The following TMTC2 variants were observed in gnomAD, a reference collection of about 807,000 sequenced individuals.
The protein encoded by TMTC2 is protein O-mannosyl-transferase TMTC2.
Under a neutral mutation model 82.4 loss-of-function variants are expected in TMTC2, and 43 were observed. The ratio of observed to expected loss-of-function variants is 0.52; its 90% CI spans 0.41 to 0.67. The LOEUF is 0.67. Among genes scored for constraint, TMTC2 ranks in the 30% least tolerant of loss-of-function variants. The probability of loss-of-function intolerance (pLI) is 0.00; values close to 1 mark genes in which losing one functional copy is unlikely to be tolerated. For synonymous variants in TMTC2, 408 were observed against 381.9 expected (o/e 1.07, Z -0.80); for missense variants, 919 against 1,012.4 (o/e 0.91, Z 1.25).
chr12:82,694,897 A>T (rs998585580), intron 1 of TMTC2, among the ~76,000 whole-genome samples: 18 of 152,212 alleles, frequency 1.2e-4, no homozygotes, highest in Admixed American at 6.5e-4. Context: ...AAACCGAAAA[A>T]TTCACGACTT....
intron 4 of TMTC2, among the ~76,000 whole-genome samples, chr12:82,940,262 C>T (rs1876638974): frequency 6.6e-6 from 1 of 151,840 alleles, no homozygotes; most frequent in South Asian, 2.1e-4. Flanking sequence ...GGTGATCCGC[C>T]CACCTTGGCC....
intron 4 of TMTC2, among the ~76,000 whole-genome samples, chr12:82,946,748 T>TTC (rs1290050350): frequency 1.3e-5 from 2 of 148,992 alleles, no homozygotes; most frequent in South Asian, 2.2e-4. Context: ...TTCTTTTCTT[T>TTC]TTTTTTTTTT....
rs556265669 is a variant in TMTC2 at position 82,746,394 on chromosome 12, T to G, written c.83+58725T>G. Among the ~76,000 whole-genome samples, 6 of 152,326 alleles carry G rather than the reference T, an allele frequency of 3.9e-5. No individual in the cohort carries two copies. The South Asian group carries it at 1.2e-3, about 32-fold the overall frequency. On this transcript the variant is annotated intron_variant, in intron 1 of 11. Transcript: ENST00000321196. ...TGGCACTGTGCATGTTTTTGTCTAC[T>G]GGGAAGTATTTCATTTAATTGAACA...
intron 1 of TMTC2, among the ~76,000 whole-genome samples, chr12:82,711,306 TTTTG>T (rs1873607846): frequency 6.6e-6 from 1 of 152,096 alleles, no homozygotes; most frequent in South Asian, 2.1e-4. Flanking sequence ...AATGTTGGGA[TTTTG>T]TTTGTTTGGG....
rs1878119804 is a variant in TMTC2, at chr12:82,964,942, T to TA, written c.1599-82_1599-81insA. 1.6e-5 allele frequency: 14 copies of TA among 854,586 alleles called. No individual in the cohort carries two copies. In the South Asian group the frequency reaches 2.8e-4, roughly 17 times the overall value. The allele number at this position is 854,586 out of a possible 1,614,324, so 52.9% of individuals were successfully genotyped here. ...TTTACTGTGCTGTTAACCATTTTTA[T>TA]TTTTGGAATATAAAATAAAAATTTG... On this transcript the variant is annotated intron_variant, in intron 4 of 11. Coordinates refer to ENST00000321196, the MANE Select transcript of TMTC2 (RefSeq NM_152588.3).
intron 1 of TMTC2, among the ~76,000 whole-genome samples, chr12:82,855,942 A>G (rs1356031654): frequency 6.6e-6 from 1 of 152,198 alleles, no homozygotes; most frequent in Non-Finnish European, 1.5e-5. Flanking sequence ...TAGATGGATC[A>G]TATTTTGGGA....
Position 82,686,958 on chromosome 12 carries a change from C to T in TMTC2, c.-629C>T, listed in dbSNP as rs74106267. 0.14 allele frequency: 21,633 copies of T among 153,714 alleles called. 1,815 individuals are homozygous for T. Among genetic ancestry groups the T allele is most frequent in the East Asian group, 0.36 (1,822 of 5,108 alleles). The allele number at this position is 153,714 out of a possible 1,614,324, so 9.5% of individuals were successfully genotyped here. A position where few individuals can be genotyped will look rare whatever the true frequency, so the allele number is the denominator to read the frequency against. On this transcript the variant is annotated 5_prime_UTR_variant, in exon 1 of 12. Transcript: ENST00000321196. ...TCTCCAGCCACCGCTTCTCACTTCACTGGAGAAGGGAGCTGGGGCTGGGGC... is the reference window on the plus strand; with the variant it reads ...TCTCCAGCCACCGCTTCTCACTTCATTGGAGAAGGGAGCTGGGGCTGGGGC...
chr12:82,745,505 G>C (rs1875643646), intron 1 of TMTC2, among the ~76,000 whole-genome samples: 1 of 152,186 alleles, frequency 6.6e-6, no homozygotes, highest in Non-Finnish European at 1.5e-5. Flanking sequence ...CCACAGTGTT[G>C]TGATGTATGT....
intron 1 of TMTC2, among the ~76,000 whole-genome samples, chr12:82,711,664 A>G (rs1873624820): frequency 6.6e-6 from 1 of 152,326 alleles, no homozygotes; most frequent in African/African-American, 2.4e-5. Flanking sequence ...AAGAAAAAAA[A>G]TGAAAACAGA....
intron 4 of TMTC2, among the ~76,000 whole-genome samples, chr12:82,942,734 A>T (rs749749233): frequency 1.3e-5 from 2 of 152,216 alleles, no homozygotes; most frequent in Non-Finnish European, 2.9e-5. Context: ...GGATTAAGAC[A>T]AGAATTACTA....
chr12:82,730,625 A>G (rs1565725798), intron 1 of TMTC2, among the ~76,000 whole-genome samples: 1 of 152,208 alleles, frequency 6.6e-6, no homozygotes, highest in Non-Finnish European at 1.5e-5. Flanking sequence ...TGTGTATCAC[A>G]TATTTTTATT....
chr12:82,930,408 A>G, intron 3 of TMTC2, 23 bp from the exon 4 acceptor site: 1 of 1,472,670 alleles, frequency 6.8e-7, no homozygotes, highest in Non-Finnish European at 9.4e-7. Context: ...CTCAGTCTGA[A>G]AATTTCTTTT....
At chr12:82,809,271 T>C (rs899519245) in intron 1 of TMTC2, among the ~76,000 whole-genome samples, 2 of 152,040 alleles carry the variant, frequency 1.3e-5, no homozygotes, top group Non-Finnish European at 2.9e-5. Flanking sequence ...CTTCATAAGA[T>C]TTTTTTAACA....
At chr12:82,790,280 T>C (rs1448165124) in intron 1 of TMTC2, among the ~76,000 whole-genome samples, 1 of 152,002 alleles carries the variant, frequency 6.6e-6, no homozygotes, top group East Asian at 1.9e-4. Flanking sequence ...AAGGATTTCA[T>C]TACTGTAATT....
chr12:82,841,308 A>G (rs1302301323), intron 1 of TMTC2, among the ~76,000 whole-genome samples: 1 of 152,202 alleles, frequency 6.6e-6, no homozygotes, highest in African/African-American at 2.4e-5. Flanking sequence ...TGATATAAAG[A>G]TTAGAAAGTA....
intron 8 of TMTC2, among the ~76,000 whole-genome samples, chr12:83,003,846 G>T (rs1880031576): frequency 6.6e-6 from 1 of 151,884 alleles, no homozygotes; most frequent in Non-Finnish European, 1.5e-5. Flanking sequence ...TGTCTTGGGG[G>T]TGCTTATTTT....
chr12:83,094,516 A>G (rs1883956689), intron 11 of TMTC2, among the ~76,000 whole-genome samples: 1 of 152,206 alleles, frequency 6.6e-6, no homozygotes, highest in Non-Finnish European at 1.5e-5. Flanking sequence ...TCAGAAAGAA[A>G]GTAATACAAT....
intron 10 of TMTC2, among the ~76,000 whole-genome samples, chr12:83,059,369 T>C (rs1398476839): frequency 6.6e-6 from 1 of 151,846 alleles, no homozygotes; most frequent in Non-Finnish European, 1.5e-5. Context: ...TTCTCCTTTG[T>C]CTAGAGAATA....
chr12:82,757,690 G>A (rs950004016), intron 1 of TMTC2, among the ~76,000 whole-genome samples: 1 of 152,078 alleles, frequency 6.6e-6, no homozygotes. Flanking sequence ...CCACTCTTTG[G>A]CATCAAGTGT....
Sources: allele counts gnomAD v4.1 joint callset (sites outside exome capture counted in the v4.1 genomes callset), GRCh38; gene constraint gnomAD v4.1.1; transcripts MANE v1.5; gene names NCBI Gene and HGNC (gene_info 2026-07-23, HGNC 2026-07-21).